The following HAPLN1 variants were observed in gnomAD, a reference collection of about 807,000 sequenced individuals.
The protein encoded by HAPLN1 is Cartilage link protein.
Under a neutral mutation model 36.5 loss-of-function variants are expected in HAPLN1, and 13 were observed. The observed-to-expected ratio is 0.36, with a 90% CI of 0.23 to 0.57. The LOEUF is 0.57. HAPLN1 is among the 20% of genes least tolerant of loss of function. The pLI, the probability that HAPLN1 is intolerant of heterozygous loss-of-function variation, is 0.83. For missense variants in HAPLN1, 407 were observed against 439.7 expected (o/e 0.93, Z 0.66); for synonymous variants, 202 against 169.8 (o/e 1.19, Z -1.48).
intron 2 of HAPLN1, among the ~76,000 whole-genome samples, chr5:83,659,049 G>GCA (rs1750306377): frequency 6.6e-6 from 1 of 152,086 alleles, no homozygotes; most frequent in Non-Finnish European, 1.5e-5. Flanking sequence ...AGAGGTAGGT[G>GCA]GATCACCTGA....
At chr5:83,687,224 TTTC>T in intron 1 of HAPLN1, among the ~76,000 whole-genome samples, 1 of 152,216 alleles carries the variant, frequency 6.6e-6, no homozygotes, top group Admixed American at 6.5e-5. Context: ...AATGGCAAAT[TTTC>T]TCTCAGTATA....
intron 1 of HAPLN1, among the ~76,000 whole-genome samples, chr5:83,717,189 T>G (rs1239173272): frequency 6.6e-6 from 1 of 152,150 alleles, no homozygotes; most frequent in Non-Finnish European, 1.5e-5. Context: ...ACAGAATGTG[T>G]TTTTTTCCTG....
At chr5:83,676,432 C>T (rs901825269) in intron 1 of HAPLN1, among the ~76,000 whole-genome samples, 1 of 152,130 alleles carries the variant, frequency 6.6e-6, no homozygotes, top group Non-Finnish European at 1.5e-5. Context: ...ACAACCATCT[C>T]ACCAGTAGAC....
chr5:83,702,731 T>C (rs1028327833), intron 1 of HAPLN1, among the ~76,000 whole-genome samples: 11 of 123,038 alleles, frequency 8.9e-5, no homozygotes, highest in South Asian at 2.5e-4. Flanking sequence ...TCTTTTTTTT[T>C]CCCCCAACAG....
intron 2 of HAPLN1, among the ~76,000 whole-genome samples, chr5:83,661,608 C>T (rs1377591029): frequency 6.6e-6 from 1 of 151,904 alleles, no homozygotes; most frequent in Admixed American, 6.6e-5. Flanking sequence ...CCCCGCCCGG[C>T]TAATTTTTTG....
In HAPLN1 at chr5:83,637,867, G is replaced by A. The variant is rs1379856607; in HGVS notation, c.*3629C>T. 1 of 152,000 alleles carries A rather than the reference G, an allele frequency of 6.6e-6. No individual in the cohort carries two copies. The highest frequency in any genetic ancestry group is 2.4e-5 in the African/African-American group (1 of 41,440). The allele number at this position is 152,000 out of a possible 1,614,324, so 9.4% of individuals were successfully genotyped here. A position where few individuals can be genotyped will look rare whatever the true frequency, so the allele number is the denominator to read the frequency against. ...GATTAAGTTATAAAGCATTTAAAAT[G>A]TGTTAATCTAATCAACAACACAATA... On this transcript the variant is annotated 3_prime_UTR_variant, in exon 5 of 5. Transcript: ENST00000274341.
intron 1 of HAPLN1, among the ~76,000 whole-genome samples, chr5:83,684,845 T>TATA (rs1180563835): frequency 6.6e-6 from 1 of 152,066 alleles, no homozygotes; most frequent in Non-Finnish European, 1.5e-5. Flanking sequence ...CATAAGAAGA[T>TATA]ATAACTGTGT....
intron 1 of HAPLN1, among the ~76,000 whole-genome samples, chr5:83,703,283 C>T (rs755408883): frequency 1.3e-5 from 2 of 152,114 alleles, no homozygotes; most frequent in Non-Finnish European, 2.9e-5. Flanking sequence ...GACCTATTTT[C>T]GAGTTTACTA....
chr5:83,641,751 C>A lies in HAPLN1; in HGVS notation c.810G>T (p.Leu270=). The change falls in exon 5 of 5, where the codon CTG becomes CTT. Residue 270 remains leucine (L), a synonymous_variant. Transcript: ENST00000274341. The part of the protein sequence containing the change: ...RFYYLIHPTK[L]TYDEAVQACL... ...AAGCTTGCACCGCTTCATCATAGGT[C>A]AGTTTGGTGGGGTGGATCAGATAGT... 2 of 1,613,976 alleles carry A rather than the reference C, an allele frequency of 1.2e-6. No individual in the cohort carries two copies. The highest frequency in any genetic ancestry group is 2.2e-5 in the South Asian group (2 of 91,004).
intron 1 of HAPLN1, among the ~76,000 whole-genome samples, chr5:83,699,700 C>G (rs1324464896): frequency 6.6e-6 from 1 of 152,142 alleles, no homozygotes; most frequent in Admixed American, 6.5e-5. Context: ...CGGGAACATT[C>G]TGCTACATAA....
rs183657064 is a variant in HAPLN1, at chr5:83,646,714, G to A, written c.473-2049C>T. ...ACTCCTGTGGTGAGGGGTGAGGGAAGGCCTGGAGATGGTTCTATCTAAGGA... is the reference window on the plus strand; with the variant it reads ...ACTCCTGTGGTGAGGGGTGAGGGAAAGCCTGGAGATGGTTCTATCTAAGGA... On this transcript the variant is annotated intron_variant, in intron 3 of 4. Transcript: ENST00000274341. 8.3e-4 allele frequency among the ~76,000 whole-genome samples: 127 copies of A among 152,336 alleles called. 1 individual carries two copies. The highest frequency in any genetic ancestry group is 1.8e-4 in the Non-Finnish European group (12 of 68,034).
rs564699077 is a variant in HAPLN1, at chr5:83,673,585, T to C, written c.-26-36A>G. 185 of 1,174,884 alleles carry C rather than the reference T, an allele frequency of 1.6e-4. No homozygotes were observed. The African/African-American group carries it at 2.5e-3, about 16-fold the overall frequency. The allele number at this position is 1,174,884 out of a possible 1,614,324, so 72.8% of individuals were successfully genotyped here. A position where few individuals can be genotyped will look rare whatever the true frequency, so the allele number is the denominator to read the frequency against. ...ATCACATACAAAGAGGCTTGTGAGA[T>C]TTGGAACCCTTTGGAGTGTTGCACT... On this transcript the variant is annotated intron_variant, in intron 1 of 4. Transcript: ENST00000274341.
intron 2 of HAPLN1, among the ~76,000 whole-genome samples, chr5:83,662,182 C>T (rs992553988): frequency 6.6e-6 from 1 of 152,100 alleles, no homozygotes; most frequent in Non-Finnish European, 1.5e-5. Flanking sequence ...GGATTACAGG[C>T]GTGAACCACC....
At chr5:83,688,594 T>C (rs1751192950) in intron 1 of HAPLN1, among the ~76,000 whole-genome samples, 1 of 151,554 alleles carries the variant, frequency 6.6e-6, no homozygotes, top group Admixed American at 6.6e-5. Context: ...GCATTCACGA[T>C]TTTGGAAAAT....
chr5:83,715,771 T>C (rs1401269040), intron 1 of HAPLN1, among the ~76,000 whole-genome samples: 2 of 152,222 alleles, frequency 1.3e-5, no homozygotes, highest in East Asian at 3.8e-4. Context: ...AAAGCTGTTA[T>C]CCACTCAGCT....
chr5:83,648,395 C>CTATATATATA lies in HAPLN1; in HGVS notation c.473-3740_473-3731dup, dbSNP rs56115447. 5.1e-3 allele frequency among the ~76,000 whole-genome samples: 307 copies of CTATATATATA among 60,606 alleles called. 8 individuals are homozygous for CTATATATATA. The highest frequency in any genetic ancestry group is 5.8e-3 in the Non-Finnish European group (188 of 32,288). The allele number at this position is 60,606 out of a possible 152,430, so 39.8% of individuals were successfully genotyped here. ...GGATGTGGCCTCTTCCTATATTTGA[C>CTATATATATA]TATATATATATATATATATATATAT... is the stretch of plus-strand genomic sequence containing the variant. On this transcript the variant is annotated intron_variant, in intron 3 of 4. Transcript: ENST00000274341.
chr5:83,667,314 A>T (rs1750579466), intron 2 of HAPLN1, among the ~76,000 whole-genome samples: 1 of 152,016 alleles, frequency 6.6e-6, no homozygotes, highest in African/African-American at 2.4e-5. Context: ...GTGTGTTCTT[A>T]TTTTCATTTT....
intron 4 of HAPLN1, among the ~76,000 whole-genome samples, chr5:83,642,372 A>T (rs1396935711): frequency 6.6e-6 from 1 of 152,238 alleles, no homozygotes; most frequent in African/African-American, 2.4e-5. Flanking sequence ...ATGTAAACCT[A>T]GTCTGTGTTG....
Position 83,637,858 on chromosome 5 carries a change from A to G in HAPLN1, c.*3638T>C, listed in dbSNP as rs1749558921. 6.6e-6 allele frequency: 1 copy of G among 152,070 alleles called. No homozygotes were observed. Among genetic ancestry groups the G allele is most frequent in the South Asian group, 2.1e-4 (1 of 4,832 alleles). 9.4% of individuals were successfully genotyped at this position (152,070 alleles called of 1,614,324 possible). A position where few individuals can be genotyped will look rare whatever the true frequency, so the allele number is the denominator to read the frequency against. Reference sequence around the variant, plus strand: ...AGCACTCATGATTAAGTTATAAAGCATTTAAAATGTGTTAATCTAATCAAC... The same window carrying G: ...AGCACTCATGATTAAGTTATAAAGCGTTTAAAATGTGTTAATCTAATCAAC... On this transcript the variant is annotated 3_prime_UTR_variant, in exon 5 of 5. Transcript: ENST00000274341.
Sources: gnomAD v4.1 joint callset for allele counts (sites outside exome capture counted in the v4.1 genomes callset) on GRCh38, gnomAD v4.1.1 for gene constraint, MANE v1.5 for transcripts, NCBI Gene and HGNC (gene_info 2026-07-23, HGNC 2026-07-21) for gene names.